The following NIPBL variants were observed in gnomAD, a reference collection of about 807,000 sequenced individuals.
The protein encoded by NIPBL is NIPBL cohesin loading factor.
A neutral mutation model predicts 321.8 loss-of-function variants in NIPBL; 19 were observed. That is an observed-to-expected ratio of 0.06 (90% CI 0.04 to 0.09). The LOEUF is 0.09. Ranked by LOEUF, NIPBL falls within the 10% of genes least tolerant of loss-of-function variation. NIPBL has a pLI of 1.00. For missense variants in NIPBL, 2,210 were observed against 3,327.0 expected (o/e 0.66, Z 8.26); for synonymous variants, 1,106 against 1,114.1 (o/e 0.99, Z 0.14).
rs531659296 is a variant in NIPBL, at chr5:37,060,836, C to A, written c.7686-8C>A. 2 of 1,611,092 alleles carry A rather than the reference C, an allele frequency of 1.2e-6. No homozygotes were observed. Among genetic ancestry groups the A allele is most frequent in the East Asian group, 2.2e-5 (1 of 44,824 alleles). On this transcript the variant is annotated splice_polypyrimidine_tract_variant and splice_region_variant and intron_variant, in intron 44 of 46. Coordinates refer to ENST00000282516, the MANE Select transcript of NIPBL (RefSeq NM_133433.4). ...TTTAAAGTTTTTGGTTTTGTTTTCC[C>A]AAAACAGTAAAATTCAGAAGTACTC...
chr5:36,897,011 T>A (rs868254743), intron 1 of NIPBL, among the ~76,000 whole-genome samples: 15 of 150,966 alleles, frequency 9.9e-5, no homozygotes, highest in South Asian at 2.1e-4. Flanking sequence ...TTATATATTT[T>A]TTTTTTTTTG....
chr5:37,028,673 A>G (rs1267070401), intron 32 of NIPBL, among the ~76,000 whole-genome samples: 1 of 152,164 alleles, frequency 6.6e-6, no homozygotes, highest in Non-Finnish European at 1.5e-5. Flanking sequence ...CAAACTTTAT[A>G]TTATCTCATT....
At chr5:36,947,805 C>T (rs1233539143) in intron 1 of NIPBL, among the ~76,000 whole-genome samples, 1 of 151,926 alleles carries the variant, frequency 6.6e-6, no homozygotes, top group Non-Finnish European at 1.5e-5. Flanking sequence ...TCCCCAGCAT[C>T]TCAGCATATA....
intron 42 of NIPBL, among the ~76,000 whole-genome samples, chr5:37,054,985 A>G (rs1366310726): frequency 6.6e-6 from 1 of 152,132 alleles, no homozygotes. Flanking sequence ...AGGAAGATGA[A>G]TTTTTTTAGC....
At chr5:36,948,109 C>T (rs1410673593) in intron 1 of NIPBL, among the ~76,000 whole-genome samples, 1 of 151,914 alleles carries the variant, frequency 6.6e-6, no homozygotes, top group East Asian at 1.9e-4. Context: ...TTTTCTCCCT[C>T]TGAAATATGT....
At chr5:37,002,448 A>G (rs1042407748) in intron 14 of NIPBL, among the ~76,000 whole-genome samples, 1 of 152,210 alleles carries the variant, frequency 6.6e-6, no homozygotes, top group Admixed American at 6.6e-5. Flanking sequence ...AGTAAAGATA[A>G]GATATCTATC....
At chr5:37,041,464 T>TATGTTGG in intron 34 of NIPBL, among the ~76,000 whole-genome samples, 1 of 151,446 alleles carries the variant, frequency 6.6e-6, no homozygotes, top group African/African-American at 2.4e-5. Flanking sequence ...GGGGTTTCAC[T>TATGTTGG]ATGTTGGCCA....
chr5:37,058,693 A>AGG (rs1445678409), intron 43 of NIPBL, among the ~76,000 whole-genome samples, 198 bp from the exon 44 acceptor site: 2 of 151,814 alleles, frequency 1.3e-5, no homozygotes, highest in African/African-American at 4.8e-5. Flanking sequence ...GTTGTAGGGG[A>AGG]GGGGGTGGAT....
chr5:37,030,727 C>G (rs1169448619), intron 32 of NIPBL, among the ~76,000 whole-genome samples: 1 of 151,180 alleles, frequency 6.6e-6, no homozygotes, highest in African/African-American at 2.4e-5. Flanking sequence ...GTACTAAACT[C>G]TGTTCATTGT....
chr5:36,985,955 G>A lies in NIPBL; in HGVS notation c.2775G>A (p.Lys925=). 6.2e-7 allele frequency: 1 copy of A among 1,613,940 alleles called. No homozygotes were observed. The highest frequency in any genetic ancestry group is 8.5e-7 in the Non-Finnish European group (1 of 1,179,942). ...ATGACAAAAGGACAGAGGGTAACAA[G>A]AGTAAAGTAGACACTAATAAAGCAC... is the stretch of plus-strand genomic sequence containing the variant. The part of the protein sequence containing the change: ...SKDDKRTEGN[K]SKVDTNKAHP... The change falls in exon 10 of 47, where the codon AAG becomes AAA. Residue 925 remains lysine (K), a synonymous_variant. Coordinates refer to ENST00000282516, the MANE Select transcript of NIPBL (RefSeq NM_133433.4).
chr5:37,028,870 T>C (rs894273125), intron 32 of NIPBL, among the ~76,000 whole-genome samples: 18 of 152,332 alleles, frequency 1.2e-4, no homozygotes, highest in African/African-American at 4.1e-4. Flanking sequence ...AAGTCTCTTA[T>C]GTTAGTTTGC....
chr5:36,975,840 A>G lies in NIPBL; in HGVS notation c.933A>G (p.Pro311=). 6.2e-7 allele frequency: 1 copy of G among 1,613,038 alleles called. No individual in the cohort carries two copies. The highest frequency in any genetic ancestry group is 8.5e-7 in the Non-Finnish European group (1 of 1,179,632). Residue 311 remains proline, a synonymous_variant, in exon 9 of 47, where the codon CCA becomes CCG. Coordinates refer to ENST00000282516, the MANE Select transcript of NIPBL (RefSeq NM_133433.4). ...CTTGTTCATCACCTCGAGATGTTCC[A>G]CCAGATATCTTGCTAGATTCTCCAG... ...SLPCSSPRDV[P]PDILLDSPER... is the part of the protein sequence containing the mutation.
intron 10 of NIPBL, among the ~76,000 whole-genome samples, chr5:36,992,762 A>ATTTATT (rs1745689141): frequency 6.8e-6 from 1 of 147,758 alleles, no homozygotes; most frequent in Non-Finnish European, 1.5e-5. Flanking sequence ...TTATTTATTG[A>ATTTATT]GATGGAGTCT....
chr5:37,038,826 A>C, intron 34 of NIPBL, 88 bp downstream of exon 34: 114 of 1,296,278 alleles, frequency 8.8e-5, no homozygotes, highest in Non-Finnish European at 1.1e-4. Context: ...CCACATTCTC[A>C]CTGACAGATC....
chr5:36,985,161 T>C lies in NIPBL; in HGVS notation c.1981T>C (p.Cys661Arg), dbSNP rs746789978. The C allele has an allele frequency of 9.3e-6, 15 of 1,613,696 alleles. No homozygotes were observed. In the African/African-American group the frequency reaches 1.7e-4, roughly 19 times the overall value. Residue 661 changes from cysteine to arginine, a missense_variant, in exon 10 of 47, where the codon TGC becomes CGC. Physicochemically the swap from Cys to Arg is radical, Grantham distance 180 (BLOSUM62 -3). Around this residue, in one of 14 missense-constraint regions of NIPBL, gnomAD observed 588 missense variants for 564.1 expected, o/e 1.04. Transcript: ENST00000282516. Reference sequence around the variant, plus strand: ...ACAGAATGAGAGCAGAACAACTGAATGCAAACAAAACGAGAGCACCATAGT... The same window carrying C: ...ACAGAATGAGAGCAGAACAACTGAACGCAAACAAAACGAGAGCACCATAGT... ...LKQNESRTTE[C>R]KQNESTIVEP... is the part of the protein sequence containing the mutation.
At chr5:37,040,770 G>C in intron 34 of NIPBL, among the ~76,000 whole-genome samples, 1 of 152,160 alleles carries the variant, frequency 6.6e-6, no homozygotes. Context: ...ATTTTTAATT[G>C]ATCTTGCCAT....
intron 1 of NIPBL, among the ~76,000 whole-genome samples, chr5:36,932,072 G>A (rs541311330): frequency 3.9e-5 from 6 of 151,942 alleles, no homozygotes; most frequent in South Asian, 2.1e-4. Context: ...GATTTCTTTC[G>A]GTTATGGGTT....
intron 6 of NIPBL, among the ~76,000 whole-genome samples, chr5:36,964,409 TC>T (rs2149610616): frequency 6.6e-6 from 1 of 152,002 alleles, no homozygotes; most frequent in East Asian, 1.9e-4. Context: ...CATAGACCAA[TC>T]CCAGAATAGA....
rs878937512 is a variant in NIPBL, at chr5:36,971,960, A to G, written c.787A>G (p.Thr263Ala). 1 of 1,612,772 alleles carries G rather than the reference A, an allele frequency of 6.2e-7. No homozygotes were observed. Among genetic ancestry groups the G allele is most frequent in the South Asian group, 1.1e-5 (1 of 91,042 alleles). The change falls in exon 8 of 47, where the codon ACA (threonine) becomes GCA (alanine). Residue 263 changes from threonine to alanine, a missense_variant. Physicochemically the swap from Thr to Ala is moderately conservative, Grantham distance 58. This residue lies in a region of NIPBL where 464 missense variants were observed against 529.5 expected (regional missense o/e 0.88). Coordinates refer to ENST00000282516, the MANE Select transcript of NIPBL (RefSeq NM_133433.4). ...CTATTTTTAGGATGGAGATTCTTCAACAATGAGGAATGCTGCATCTTTTCC... is the reference window on the plus strand; with the variant it reads ...CTATTTTTAGGATGGAGATTCTTCAGCAATGAGGAATGCTGCATCTTTTCC... ...RLSSDDGDSS[T>A]MRNAASFPLR... is the part of the protein sequence containing the mutation.
Sources: allele counts gnomAD v4.1 joint callset (sites outside exome capture counted in the v4.1 genomes callset), GRCh38; gene constraint gnomAD v4.1.1; regional missense constraint gnomAD v4.1.1; transcripts MANE v1.5; gene names NCBI Gene and HGNC (gene_info 2026-07-23, HGNC 2026-07-21).